Variants in TSPEAR observed in about 807,000 individuals in gnomAD.
TSPEAR encodes thrombospondin-type laminin G domain and EAR repeat-containing protein.
Under a neutral mutation model 71.6 loss-of-function variants are expected in TSPEAR, and 69 were observed. That is an observed-to-expected ratio of 0.96 (90% confidence interval 0.79 to 1.18). The LOEUF is 1.18. TSPEAR is among the 50% of genes most tolerant of loss of function. TSPEAR has a pLI of 0.00. For synonymous variants in TSPEAR, 402 were observed against 387.2 expected, an observed-to-expected ratio of 1.04 and a Z score of -0.45; for missense variants, 971 against 894.9, an observed-to-expected ratio of 1.09 and a Z score of -1.09.
At chr21:44,694,429 G>A (rs1719004027) in intron 1 of TSPEAR, among the ~76,000 whole-genome samples, 1 of 152,186 alleles carries the variant, frequency 6.6e-6, no homozygotes, top group South Asian at 2.1e-4. Context: ...AATGGGGAGT[G>A]AATGTTTAAT....
intron 6 of TSPEAR, 72 bp downstream of exon 6, chr21:44,528,367 TGCCCCCTCTCCTA>T: frequency 6.4e-7 from 1 of 1,566,706 alleles, no homozygotes; most frequent in Non-Finnish European, 8.7e-7. Flanking sequence ...GTGGCTGAGG[TGCCCCCTCTCCTA>T]GCCTCCACTC....
At chr21:44,647,822 C>G (rs931112472) in intron 1 of TSPEAR, among the ~76,000 whole-genome samples, 3 of 152,248 alleles carry the variant, frequency 2.0e-5, no homozygotes, top group Non-Finnish European at 4.4e-5. Flanking sequence ...GCTCCACACT[C>G]TTCCTGCAGC....
At chr21:44,588,511 C>T (rs1555925941) in intron 1 of TSPEAR, among the ~76,000 whole-genome samples, 1 of 151,968 alleles carries the variant, frequency 6.6e-6, no homozygotes, top group African/African-American at 2.4e-5. Context: ...TTTGATCCAG[C>T]AAATCCACTA....
chr21:44,508,691 C>T (rs587626524), intron 10 of TSPEAR: 1 of 1,218,038 alleles, frequency 8.2e-7, no homozygotes, highest in African/African-American at 1.6e-5. Flanking sequence ...CAGACCCACC[C>T]TCCATGTTCC....
chr21:44,558,596 G>A, intron 2 of TSPEAR: 2 of 1,611,806 alleles, frequency 1.2e-6, no homozygotes, highest in South Asian at 1.1e-5. Flanking sequence ...TCAGGCAGGG[G>A]GCCGGGGCGC....
intron 1 of TSPEAR, among the ~76,000 whole-genome samples, chr21:44,597,432 C>CTTTT (rs370569621): frequency 2.0e-3 from 262 of 130,568 alleles, no homozygotes; most frequent in African/African-American, 7.9e-3. Flanking sequence ...TTCTTTCTTT[C>CTTTT]TTTTCTTTTT....
intron 1 of TSPEAR, among the ~76,000 whole-genome samples, chr21:44,698,338 C>G (rs1987483227): frequency 6.6e-6 from 1 of 152,210 alleles, no homozygotes. Context: ...CGACAGGAGG[C>G]CAGGACACAG....
At chr21:44,613,173 A>G (rs115929747) in intron 1 of TSPEAR, among the ~76,000 whole-genome samples, 3,831 of 150,172 alleles carry the variant, frequency 0.026, 158 homozygotes, top group African/African-American at 0.089. Context: ...ACCTCCTCCT[A>G]CTCCCCAATA....
chr21:44,551,726 G>C (rs587684755), intron 2 of TSPEAR, among the ~76,000 whole-genome samples: 2 of 152,218 alleles, frequency 1.3e-5, no homozygotes, highest in South Asian at 4.1e-4. Flanking sequence ...CAGGACCGGC[G>C]CCCCTGGCTG....
Position 44,657,932 on chromosome 21 carries a change from C to T in TSPEAR, c.82+53501G>A, listed in dbSNP as rs1985247781. On this transcript the variant is annotated intron_variant, in intron 1 of 11. Transcript: ENST00000323084. The stretch of plus-strand genomic sequence containing the variant: ...TAAAGACCACCAGAGAAGCAGCTTC[C>T]AGACATCACCATCCTCCTCCCCAGT... 3 of 1,579,478 alleles carry T rather than the reference C, an allele frequency of 1.9e-6. No homozygotes were observed. The African/African-American group carries it at 4.0e-5, about 21-fold the overall frequency.
At chr21:44,522,366 T>A (rs2052753168) in intron 8 of TSPEAR, among the ~76,000 whole-genome samples, 1 of 152,168 alleles carries the variant, frequency 6.6e-6, no homozygotes, top group South Asian at 2.1e-4. Flanking sequence ...TTGGGACAGG[T>A]GTACATCTCC....
At chr21:44,570,698 G>A (rs1473856831) in intron 1 of TSPEAR, among the ~76,000 whole-genome samples, 1 of 152,162 alleles carries the variant, frequency 6.6e-6, no homozygotes, top group African/African-American at 2.4e-5. Flanking sequence ...GGGAAGGATG[G>A]GGCAGGAGTC....
At chr21:44,666,145 G>A (rs1173558279) in intron 1 of TSPEAR, 3 of 396,080 alleles carry the variant, frequency 7.6e-6, no homozygotes, top group African/African-American at 2.0e-5. Context: ...AGAATAGATA[G>A]CAGGGAGTAT....
At chr21:44,601,861 C>T (rs894438676) in intron 1 of TSPEAR, 2 of 1,310,942 alleles carry the variant, frequency 1.5e-6, no homozygotes, top group Middle Eastern at 2.2e-4. Flanking sequence ...GTCAGCTGGC[C>T]ATCCAGTGTG....
intron 1 of TSPEAR, among the ~76,000 whole-genome samples, chr21:44,597,438 T>C (rs200336416): frequency 1.9e-5 from 2 of 106,276 alleles, no homozygotes; most frequent in Admixed American, 8.4e-5. Context: ...CTTTCTTTTC[T>C]TTTTTTTTTT....
At chr21:44,656,034 G>T (rs1295618558) in intron 1 of TSPEAR, among the ~76,000 whole-genome samples, 42 of 152,192 alleles carry the variant, frequency 2.8e-4, no homozygotes, top group African/African-American at 9.7e-4. Flanking sequence ...CTGTGGCCAT[G>T]TGGGAGTCAC....
intron 2 of TSPEAR, among the ~76,000 whole-genome samples, chr21:44,553,777 C>G (rs1214892304): frequency 1.3e-5 from 2 of 152,120 alleles, no homozygotes; most frequent in African/African-American, 4.8e-5. Context: ...ACAGGCCTCT[C>G]ACAGGCAAGA....
At chr21:44,670,112 G>A (rs1380583762) in intron 1 of TSPEAR, among the ~76,000 whole-genome samples, 3 of 152,122 alleles carry the variant, frequency 2.0e-5, no homozygotes, top group African/African-American at 7.2e-5. Flanking sequence ...GGAATACAAA[G>A]AGATATGACT....
intron 10 of TSPEAR, 55 bp downstream of exon 10, chr21:44,509,144 A>G (rs1476486278): frequency 2.0e-5 from 32 of 1,566,658 alleles, no homozygotes; most frequent in Non-Finnish European, 1.5e-5. Flanking sequence ...GGATTCCGAC[A>G]TGGTGGGCCT....
Sources: allele counts gnomAD v4.1 joint callset (sites outside exome capture counted in the v4.1 genomes callset), GRCh38; gene constraint gnomAD v4.1.1; transcripts MANE v1.5; gene names NCBI Gene and HGNC (gene_info 2026-07-23, HGNC 2026-07-21).